FAM135B: variants seen among roughly 807,000 people sequenced by gnomAD.
The protein encoded by FAM135B is family with sequence similarity 135 member B, also known as protein FAM135B.
In FAM135B, 43 loss-of-function variants were observed where a neutral mutation model predicts 127.7. The observed-to-expected ratio is 0.34, with a 90% CI of 0.26 to 0.43. FAM135B has a LOEUF of 0.43. Ranked by LOEUF, FAM135B falls within the 20% of genes least tolerant of loss-of-function variation. FAM135B has a pLI of 1.00. For synonymous variants in FAM135B, 670 were observed against 665.1 expected, an observed-to-expected ratio of 1.01 and a Z score of -0.11; for missense variants, 1,558 against 1,725.6, an observed-to-expected ratio of 0.90 and a Z score of 1.72.
At chr8:138,147,291 A>T (rs908216010) in intron 14 of FAM135B, among the ~76,000 whole-genome samples, 2 of 152,066 alleles carry the variant, frequency 1.3e-5, no homozygotes, top group Non-Finnish European at 2.9e-5. Flanking sequence ...AAAAAAAAAA[A>T]AGCTGCAAGT....
intron 3 of FAM135B, among the ~76,000 whole-genome samples, chr8:138,281,077 A>G (rs1469287251): frequency 6.6e-6 from 1 of 152,126 alleles, no homozygotes; most frequent in African/African-American, 2.4e-5. Flanking sequence ...AGGTGATTAC[A>G]TTCCACACAG....
intron 3 of FAM135B, among the ~76,000 whole-genome samples, chr8:138,269,889 G>A (rs1823241096): frequency 6.6e-6 from 1 of 152,166 alleles, no homozygotes; most frequent in African/African-American, 2.4e-5. Flanking sequence ...GACTCTTCAG[G>A]TAGGGTGAAT....
In FAM135B at chr8:138,271,543, T is replaced by C. The variant is rs181488725; in HGVS notation, c.158-5701A>G. Among the ~76,000 whole-genome samples, 89 of 152,344 alleles carry C rather than the reference T, an allele frequency of 5.8e-4. 1 individual carries two copies. Among genetic ancestry groups the C allele is most frequent in the African/African-American group, 2.1e-3 (86 of 41,572 alleles). On this transcript the variant is annotated intron_variant, in intron 3 of 19. Transcript: ENST00000395297. ...CACAGGGTTCCTTTTGGGACATCTA[T>C]GTTTTACACCTGTGTCTGTGGAATA...
At chr8:138,281,409 T>C (rs1824253103) in intron 3 of FAM135B, among the ~76,000 whole-genome samples, 1 of 151,980 alleles carries the variant, frequency 6.6e-6, no homozygotes, top group African/African-American at 2.4e-5. Flanking sequence ...CATTTCTCCA[T>C]TGCTCTACTC....
chr8:138,304,464 G>A (rs904755098), intron 3 of FAM135B, among the ~76,000 whole-genome samples: 4 of 152,322 alleles, frequency 2.6e-5, no homozygotes, highest in Middle Eastern at 3.4e-3. Context: ...TGCGAAGGAC[G>A]TTCAGTTGAG....
chr8:138,458,705 G>A (rs777416310), intron 1 of FAM135B, among the ~76,000 whole-genome samples: 9 of 152,124 alleles, frequency 5.9e-5, no homozygotes, highest in South Asian at 4.2e-4. Flanking sequence ...ATAAAAGCAG[G>A]GGTGAGTAGT....
chr8:138,413,288 TC>T (rs1833961619), intron 1 of FAM135B, among the ~76,000 whole-genome samples: 1 of 152,038 alleles, frequency 6.6e-6, no homozygotes, highest in Admixed American at 6.6e-5. Context: ...AGTGTAGAGT[TC>T]CCCTGTCTCA....
At chr8:138,432,253 C>T (rs1835229069) in intron 1 of FAM135B, among the ~76,000 whole-genome samples, 1 of 152,154 alleles carries the variant, frequency 6.6e-6, no homozygotes, top group Non-Finnish European at 1.5e-5. Context: ...AGGAATCTCA[C>T]AGGATATGAT....
chr8:138,168,612 G>A (rs1345515779), intron 11 of FAM135B, among the ~76,000 whole-genome samples: 1 of 152,056 alleles, frequency 6.6e-6, no homozygotes, highest in East Asian at 1.9e-4. Context: ...AAGAAAAAAT[G>A]TCCCATATTC....
intron 7 of FAM135B, among the ~76,000 whole-genome samples, chr8:138,234,445 G>A (rs1262496038): frequency 1.3e-5 from 2 of 152,140 alleles, no homozygotes; most frequent in East Asian, 3.9e-4. Flanking sequence ...ATTCACAATA[G>A]CTAAGATATG....
At chr8:138,429,963 C>T (rs565580266) in intron 1 of FAM135B, among the ~76,000 whole-genome samples, 14 of 152,200 alleles carry the variant, frequency 9.2e-5, no homozygotes, top group East Asian at 1.9e-4. Flanking sequence ...TAGGCCCTAT[C>T]TTTGTTGGTT....
intron 1 of FAM135B, among the ~76,000 whole-genome samples, chr8:138,487,690 CTGAAGTTT>C (rs1815036287): frequency 6.6e-6 from 1 of 152,008 alleles, no homozygotes; most frequent in South Asian, 2.1e-4. Flanking sequence ...TCTGTTTCAA[CTGAAGTTT>C]AAAACACACT....
intron 7 of FAM135B, among the ~76,000 whole-genome samples, chr8:138,205,599 C>T (rs1176841033): frequency 6.6e-6 from 1 of 152,152 alleles, no homozygotes; most frequent in Non-Finnish European, 1.5e-5. Flanking sequence ...CTCTGTCAGC[C>T]ACAAATTGCT....
chr8:138,334,267 T>C (rs769977539), intron 2 of FAM135B, among the ~76,000 whole-genome samples: 23 of 152,296 alleles, frequency 1.5e-4, no homozygotes, highest in African/African-American at 2.4e-4. Flanking sequence ...GGGGCTAGAA[T>C]TGCTTGCTCT....
At chr8:138,483,941 C>T (rs1253773352) in intron 1 of FAM135B, among the ~76,000 whole-genome samples, 5 of 152,164 alleles carry the variant, frequency 3.3e-5, no homozygotes, top group Non-Finnish European at 5.9e-5. Context: ...TCTAGGGGGA[C>T]ACTGAATGAA....
chr8:138,469,963 T>C (rs1382588085), intron 1 of FAM135B, among the ~76,000 whole-genome samples: 1 of 152,182 alleles, frequency 6.6e-6, no homozygotes, highest in East Asian at 1.9e-4. Flanking sequence ...ACACCTTGGA[T>C]GTGGTGGCCA....
At chr8:138,189,638 T>C (rs1815928611) in intron 9 of FAM135B, among the ~76,000 whole-genome samples, 1 of 152,120 alleles carries the variant, frequency 6.6e-6, no homozygotes, top group South Asian at 2.1e-4. Context: ...CCTCTGAGCA[T>C]CCCAAAGTAC....
chr8:138,152,578 A>G lies in FAM135B; in HGVS notation c.1897T>C (p.Leu633=), dbSNP rs777545769. The G allele has an allele frequency of 2.5e-6, 4 of 1,614,208 alleles. No individual in the cohort carries two copies. The highest frequency in any genetic ancestry group is 3.4e-6 in the Non-Finnish European group (4 of 1,180,032). ...CAGGGCTCAGAGGGGGTGAGTTTCAAGCTTAGCAGCACCATCTTCCCCTCT... is the reference window on the plus strand; with the variant it reads ...CAGGGCTCAGAGGGGGTGAGTTTCAGGCTTAGCAGCACCATCTTCCCCTCT... The part of the protein sequence containing the change: ...DQEGKMVLLS[L]KLTPSEPCDP... The change falls in exon 13 of 20, where the codon TTG becomes CTG. Residue 633 remains leucine, a synonymous_variant. Transcript: ENST00000395297.
chr8:138,250,389 C>A (rs554549450), intron 6 of FAM135B, among the ~76,000 whole-genome samples: 1 of 152,064 alleles, frequency 6.6e-6, no homozygotes, highest in Non-Finnish European at 1.5e-5. Context: ...AATGAATGAA[C>A]CTTCTACATT....
Sources: gnomAD v4.1 joint callset for allele counts (sites outside exome capture counted in the v4.1 genomes callset) on GRCh38, gnomAD v4.1.1 for gene constraint, MANE v1.5 for transcripts, NCBI Gene and HGNC (gene_info 2026-07-23, HGNC 2026-07-21) for gene names.